LDB2: variants seen among roughly 807,000 people sequenced by gnomAD.
LDB2 encodes the protein LIM domain-binding protein 2.
A neutral mutation model predicts 44.3 loss-of-function variants in LDB2; 12 were observed. That is an observed-to-expected ratio of 0.27 (90% CI 0.17 to 0.44). The LOEUF is 0.44. Among genes scored for constraint, LDB2 ranks in the 20% least tolerant of loss-of-function variants. LDB2 has a pLI of 1.00. For missense variants in LDB2, 344 were observed against 473.5 expected (o/e 0.73, Z 2.54); for synonymous variants, 164 against 174.8 (o/e 0.94, Z 0.49).
intron 5 of LDB2, among the ~76,000 whole-genome samples, chr4:16,520,814 C>G (rs562893613): frequency 2.0e-5 from 3 of 152,302 alleles, no homozygotes; most frequent in South Asian, 4.1e-4. Flanking sequence ...GCAGCCCTGT[C>G]AGACTAGCCA....
chr4:16,816,572 C>A (rs192502150), intron 1 of LDB2, among the ~76,000 whole-genome samples: 16 of 122,996 alleles, frequency 1.3e-4, no homozygotes, highest in East Asian at 4.0e-4. Flanking sequence ...CCACATCCAA[C>A]TAATTTTTTT....
intron 1 of LDB2, among the ~76,000 whole-genome samples, chr4:16,861,747 T>G (rs1451808719): frequency 6.6e-6 from 1 of 152,152 alleles, no homozygotes; most frequent in Non-Finnish European, 1.5e-5. Context: ...GCCCTAGCCA[T>G]ATGGTAGCAA....
intron 2 of LDB2, among the ~76,000 whole-genome samples, chr4:16,643,934 C>G (rs1735925110): frequency 6.6e-6 from 1 of 152,160 alleles, no homozygotes. Flanking sequence ...AGCACCTAAC[C>G]ATGCTTTTTC....
rs536822391 is a variant in LDB2, at chr4:16,756,038, A to T, written c.235+3120T>A. 2.6e-5 allele frequency among the ~76,000 whole-genome samples: 4 copies of T among 152,354 alleles called. No individual in the cohort carries two copies. The East Asian group carries it at 5.8e-4, about 22-fold the overall frequency. ...CTTAAGAGATGGAGCACGTGGAGGA[A>T]GAGGGTCAATACTGAGGAGCTTTCT... is the stretch of plus-strand genomic sequence containing the variant. On this transcript the variant is annotated intron_variant, in intron 2 of 7. Transcript: ENST00000304523.
chr4:16,679,819 C>T (rs1051012784), intron 2 of LDB2, among the ~76,000 whole-genome samples: 2 of 152,162 alleles, frequency 1.3e-5, no homozygotes, highest in African/African-American at 2.4e-5. Context: ...GGTGCCAGCC[C>T]GGCCAGAGCA....
rs576646044 is a variant in LDB2, at chr4:16,637,124, A to G, written c.236-41249T>C. The stretch of plus-strand genomic sequence containing the variant: ...GCTGTAAATCACTGGCTTTGGAAAC[A>G]CTTTCTTTAGTCTGGCCCAACCCAG... On this transcript the variant is annotated intron_variant, in intron 2 of 7. Transcript: ENST00000304523. Among the ~76,000 whole-genome samples the G allele has an allele frequency of 2.3e-3, 351 of 152,242 alleles. 1 individual carries two copies. The highest frequency in any genetic ancestry group is 6.8e-3 in the Middle Eastern group (2 of 294).
At chr4:16,513,848 T>G (rs1722689260) in intron 5 of LDB2, among the ~76,000 whole-genome samples, 1 of 152,138 alleles carries the variant, frequency 6.6e-6, no homozygotes, top group South Asian at 2.1e-4. Context: ...CCAAGGAAGG[T>G]CATAGAAACC....
At chr4:16,674,975 C>T (rs2152562227) in intron 2 of LDB2, among the ~76,000 whole-genome samples, 1 of 152,296 alleles carries the variant, frequency 6.6e-6, no homozygotes, top group South Asian at 2.1e-4. Flanking sequence ...TGTTTACATA[C>T]ATGGAAGCTC....
At chr4:16,875,038 G>T (rs1717941582) in intron 1 of LDB2, among the ~76,000 whole-genome samples, 1 of 152,178 alleles carries the variant, frequency 6.6e-6, no homozygotes, top group Non-Finnish European at 1.5e-5. Context: ...TGTTATCAGG[G>T]TCTAGGCAGG....
At position 16,821,407 on chromosome 4, in the gene LDB2, G is replaced by A. The variant is rs28477722; in HGVS notation, c.133-62147C>T. Among the ~76,000 whole-genome samples the A allele has an allele frequency of 4.0e-3, 589 of 146,376 alleles. 4 individuals carry two copies. The highest frequency in any genetic ancestry group is 0.014 in the African/African-American group (557 of 39,800). On this transcript the variant is annotated intron_variant, in intron 1 of 7. Transcript: ENST00000304523. Reference sequence around the variant, plus strand: ...TTTTTATTTTTTTTTTTTTGGAGACGGAGTCTCGCTCTGTCGCCCAGGCTG... The same window carrying A: ...TTTTTATTTTTTTTTTTTTGGAGACAGAGTCTCGCTCTGTCGCCCAGGCTG...
chr4:16,714,745 T>C (rs1261269907), intron 2 of LDB2, among the ~76,000 whole-genome samples: 1 of 152,156 alleles, frequency 6.6e-6, no homozygotes, highest in Non-Finnish European at 1.5e-5. Context: ...ACCGTTCTCC[T>C]AACTTCTGGT....
chr4:16,845,350 G>T (rs544828445), intron 1 of LDB2, among the ~76,000 whole-genome samples: 6 of 152,190 alleles, frequency 3.9e-5, no homozygotes, highest in African/African-American at 1.4e-4. Flanking sequence ...TCCCATGGCC[G>T]CCCCTGTTTC....
In LDB2 at chr4:16,736,490, C is replaced by T. The variant is rs760509525; in HGVS notation, c.235+22668G>A. Reference sequence around the variant, plus strand: ...AACATTTCGGGAGCACTTTGAATTACGCAAATGTGACACTGAACAGGAGGG... The same window carrying T: ...AACATTTCGGGAGCACTTTGAATTATGCAAATGTGACACTGAACAGGAGGG... On this transcript the variant is annotated intron_variant, in intron 2 of 7. Coordinates refer to ENST00000304523, the MANE Select transcript of LDB2 (RefSeq NM_001290.5). Among the ~76,000 whole-genome samples, 16 of 152,248 alleles carry T rather than the reference C, an allele frequency of 1.1e-4. No homozygotes were observed. The East Asian group carries it at 1.2e-3, about 11-fold the overall frequency.
intron 1 of LDB2, among the ~76,000 whole-genome samples, chr4:16,823,072 A>G (rs1782408315): frequency 6.6e-6 from 1 of 152,172 alleles, no homozygotes; most frequent in South Asian, 2.1e-4. Context: ...TCCTGCCAGG[A>G]TTCACAGCAC....
At chr4:16,683,020 G>A (rs1748345500) in intron 2 of LDB2, among the ~76,000 whole-genome samples, 1 of 152,114 alleles carries the variant, frequency 6.6e-6, no homozygotes, top group Non-Finnish European at 1.5e-5. Context: ...AAATCTCTCT[G>A]GTAAATTGCA....
At chr4:16,739,588 A>AT (rs1561053771) in intron 2 of LDB2, among the ~76,000 whole-genome samples, 1,210 of 59,560 alleles carry the variant, frequency 0.02, 227 homozygotes, top group South Asian at 0.037. Flanking sequence ...AAAAAAAAAA[A>AT]AATATATATA....
chr4:16,761,117 T>C (rs1420400462), intron 1 of LDB2, among the ~76,000 whole-genome samples: 3 of 152,160 alleles, frequency 2.0e-5, no homozygotes, highest in Admixed American at 6.5e-5. Context: ...CCTAGGATAT[T>C]ACTCATAAAA....
intron 2 of LDB2, among the ~76,000 whole-genome samples, chr4:16,707,765 C>T (rs1323402554): frequency 2.6e-5 from 4 of 151,750 alleles, no homozygotes; most frequent in Non-Finnish European, 5.9e-5. Flanking sequence ...TCAGCCTCAG[C>T]TCAAAAAAGA....
intron 1 of LDB2, among the ~76,000 whole-genome samples, chr4:16,769,304 A>AT (rs34836651): frequency 0.83 from 123,423 of 149,436 alleles, 52,154 homozygotes; most frequent in Middle Eastern, 0.94. Flanking sequence ...TTTTATTTTT[A>AT]TTTTTTTTTG....
Sources: gnomAD v4.1 joint callset for allele counts (sites outside exome capture counted in the v4.1 genomes callset) on GRCh38, gnomAD v4.1.1 for gene constraint, MANE v1.5 for transcripts, NCBI Gene and HGNC (gene_info 2026-07-23, HGNC 2026-07-21) for gene names.